TUBE1: variants seen among roughly 807,000 people sequenced by gnomAD.
The protein encoded by TUBE1 is tubulin epsilon 1, also known as tubulin epsilon chain.
Under a neutral mutation model 53.5 loss-of-function variants are expected in TUBE1, and 34 were observed. The ratio of observed to expected loss-of-function variants is 0.64; its 90% CI spans 0.48 to 0.85. The LOEUF is 0.85. Ranked by LOEUF, TUBE1 falls within the 40% of genes least tolerant of loss-of-function variation. The pLI, the probability that TUBE1 is intolerant of heterozygous loss-of-function variation, is 0.00. For synonymous variants in TUBE1, 177 were observed against 198.4 expected (o/e 0.89, Z 0.91); for missense variants, 532 against 570.5 (o/e 0.93, Z 0.69).
At chr6:112,072,129 T>A (rs117382527) in intron 10 of TUBE1, 53 bp from the exon 11 acceptor site, 38,473 of 1,400,256 alleles carry the variant, frequency 0.027, 645 homozygotes, top group Non-Finnish European at 0.031. Context: ...ACTAAAAATG[T>A]CTGCCATATA....
intron 8 of TUBE1, 124 bp downstream of exon 8, chr6:112,075,813 A>G (rs1483605535): frequency 1.1e-6 from 1 of 884,692 alleles, no homozygotes; most frequent in Admixed American, 2.9e-5. Flanking sequence ...AAGAAAAGAT[A>G]GAAGACAAAA....
At chr6:112,079,086 AT>A (rs1777022946) in intron 6 of TUBE1, among the ~76,000 whole-genome samples, 9 of 152,070 alleles carry the variant, frequency 5.9e-5, no homozygotes. Flanking sequence ...CCAATCATTT[AT>A]TTTTACTTCA....
At chr6:112,073,411 C>T (rs147993447) in intron 9 of TUBE1, among the ~76,000 whole-genome samples, 1 of 152,056 alleles carries the variant, frequency 6.6e-6, no homozygotes, top group Non-Finnish European at 1.5e-5. Flanking sequence ...AGTAGTTCTC[C>T]TAAAAGTAGA....
intron 3 of TUBE1, 41 bp downstream of exon 3, chr6:112,086,515 C>T: frequency 6.7e-7 from 1 of 1,502,598 alleles, no homozygotes; most frequent in Non-Finnish European, 9.1e-7. Flanking sequence ...GCTACTGAAA[C>T]TTAAAGTATC....
At chr6:112,080,403 T>G (rs587768408) in intron 5 of TUBE1, among the ~76,000 whole-genome samples, 2 of 152,206 alleles carry the variant, frequency 1.3e-5, no homozygotes, top group South Asian at 4.1e-4. Context: ...CAACAATTAG[T>G]AAAAATGCAG....
rs782739012 is a variant in TUBE1, at chr6:112,076,383, C to A, written c.575G>T (p.Ser192Ile). The A allele has an allele frequency of 1.6e-5, 26 of 1,610,430 alleles. No homozygotes were observed. Among genetic ancestry groups the A allele is most frequent in the South Asian group, 2.2e-5 (2 of 90,294 alleles). ...EDDVITSPYNSILAMKELNEH... is the reference protein window; with the variant it reads ...EDDVITSPYNIILAMKELNEH... ...ATTAAGTTCCTTCATTGCCAAGATG[C>A]TATTATAAGGTGAGGTTATGACATC... Residue 192 changes from serine (S) to isoleucine (I), a missense_variant, in exon 7 of 12, where the codon AGC (serine) becomes ATC (isoleucine). Transcript: ENST00000368662.
Position 112,075,070 on chromosome 6 carries a change from T to C in TUBE1, c.813-220A>G, listed in dbSNP as rs1352665460. On this transcript the variant is annotated intron_variant, in intron 8 of 11. Transcript: ENST00000368662. ...ACATCTACATTTTTTTTTTCTTTCT[T>C]TTTTTTTTTTTTTTGAGACAGGGTC... The C allele has an allele frequency of 2.1e-4, 28 of 133,798 alleles. No individual in the cohort carries two copies. In the East Asian group the frequency reaches 2.7e-3, roughly 13 times the overall value. The allele number at this position is 133,798 out of a possible 1,614,324, so 8.3% of individuals were successfully genotyped here.
At chr6:112,082,407 A>C (rs1298298388) in intron 4 of TUBE1, among the ~76,000 whole-genome samples, 1 of 152,208 alleles carries the variant, frequency 6.6e-6, no homozygotes, top group African/African-American at 2.4e-5. Context: ...TAAAAGAAAA[A>C]GCAAATTGGA....
chr6:112,086,573 A>C lies in TUBE1; in HGVS notation c.135T>G (p.Phe45Leu). 6.2e-7 allele frequency: 1 copy of C among 1,612,932 alleles called. No individual in the cohort carries two copies. The highest frequency in any genetic ancestry group is 2.2e-5 in the East Asian group (1 of 44,804). Residue 45 changes from phenylalanine to leucine, a missense_variant, in exon 3 of 12, where the codon TTT becomes TTG. Coordinates refer to ENST00000368662, the MANE Select transcript of TUBE1 (RefSeq NM_016262.5). ...GIYDEAISSFFRNVDTRVVGD... is the reference protein window; with the variant it reads ...GIYDEAISSFLRNVDTRVVGD... ...CATCTTACCTGGTGTCCACATTTCT[A>C]AAGAAGCTGCTTATTGCCTCATCAT...
At chr6:112,084,296 A>G (rs782542271) in intron 3 of TUBE1, 50 bp from the exon 4 acceptor site, 5 of 1,440,340 alleles carry the variant, frequency 3.5e-6, no homozygotes, top group Non-Finnish European at 4.9e-6. Context: ...CATGGCTAAT[A>G]GCACTATCAG....
Position 112,070,904 on chromosome 6 carries a change from AAAG to A in TUBE1, c.*505_*507del, listed in dbSNP as rs1209978142. The A allele has an allele frequency of 1.3e-5, 2 of 152,306 alleles. No homozygotes were observed. Among genetic ancestry groups the A allele is most frequent in the Non-Finnish European group, 1.5e-5 (1 of 68,010 alleles). The allele number at this position is 152,306 out of a possible 1,614,324, so 9.4% of individuals were successfully genotyped here. A position where few individuals can be genotyped will look rare whatever the true frequency, so the allele number is the denominator to read the frequency against. On this transcript the variant is annotated 3_prime_UTR_variant, in exon 12 of 12. Coordinates refer to ENST00000368662, the MANE Select transcript of TUBE1 (RefSeq NM_016262.5). Reference sequence around the variant, plus strand: ...CTTTTGGGCAAACAAGTTGTTATCTAAAGAAGAAGCAAAACCTCCTTAACAGTT... The same window carrying A: ...CTTTTGGGCAAACAAGTTGTTATCTAAAGAAGCAAAACCTCCTTAACAGTT...
chr6:112,078,908 A>T (rs587608287), intron 6 of TUBE1, among the ~76,000 whole-genome samples: 2 of 152,202 alleles, frequency 1.3e-5, no homozygotes, highest in Non-Finnish European at 2.9e-5. Flanking sequence ...CTGAATATAA[A>T]ATCTTAATCT....
intron 2 of TUBE1, 151 bp downstream of exon 2, chr6:112,087,082 A>T (rs1777173721): frequency 2.9e-6 from 2 of 694,012 alleles, no homozygotes; most frequent in Admixed American, 3.0e-5. Context: ...TGTGTGTCTG[A>T]CGCAACATGT....
intron 4 of TUBE1, among the ~76,000 whole-genome samples, chr6:112,081,615 C>T (rs1315328815): frequency 3.3e-5 from 5 of 152,024 alleles, no homozygotes; most frequent in African/African-American, 1.2e-4. Context: ...AACTGTCCAA[C>T]TCAAATGAGT....
At chr6:112,079,571 T>C in intron 6 of TUBE1, 62 bp downstream of exon 6, 1 of 1,568,258 alleles carries the variant, frequency 6.4e-7, no homozygotes, top group Non-Finnish European at 8.7e-7. Context: ...GACTTACGTT[T>C]GCAAAATGAA....
chr6:112,072,681 G>A (rs781835499), intron 10 of TUBE1, 77 bp downstream of exon 10: 275 of 1,473,574 alleles, frequency 1.9e-4, no homozygotes, highest in Non-Finnish European at 2.4e-4. Context: ...GAATTTGAAG[G>A]GCGGCTGTTA....
intron 9 of TUBE1, among the ~76,000 whole-genome samples, chr6:112,073,672 A>G (rs1375602217): frequency 6.6e-6 from 1 of 152,242 alleles, no homozygotes; most frequent in African/African-American, 2.4e-5. Flanking sequence ...ATGAAAACTT[A>G]CCAATATCAC....
Position 112,081,086 on chromosome 6 carries a change from T to C in TUBE1, c.326+6A>G. ...GATATTCAATTTTTACGCTGTGTAT[T>C]CTCACCAATTATTTCCTGAGCCAGA... On this transcript the variant is annotated splice_donor_region_variant and intron_variant, in intron 5 of 11. Coordinates refer to ENST00000368662, the MANE Select transcript of TUBE1 (RefSeq NM_016262.5). 6.5e-7 allele frequency: 1 copy of C among 1,533,342 alleles called. No homozygotes were observed. 95.0% of individuals were successfully genotyped at this position (1,533,342 alleles called of 1,614,324 possible).
In TUBE1 at chr6:112,071,514, T is replaced by C. The variant is rs1562601302; in HGVS notation, c.1326A>G (p.Glu442=). The C allele has an allele frequency of 6.2e-7, 1 of 1,612,524 alleles. No homozygotes were observed. The highest frequency in any genetic ancestry group is 1.7e-5 in the Admixed American group (1 of 59,994). ...VEGMEESCFT[E]AVSSLSALIQ... ...TGAGTGCTGATAAAGATGACACAGC[T>C]TCTGTGAAACAGCTTTCTTCCATCC... Residue 442 remains glutamate, a synonymous_variant, in exon 12 of 12, where the codon GAA becomes GAG. Transcript: ENST00000368662.
Sources: allele counts gnomAD v4.1 joint callset (sites outside exome capture counted in the v4.1 genomes callset), GRCh38; gene constraint gnomAD v4.1.1; transcripts MANE v1.5; gene names NCBI Gene and HGNC (gene_info 2026-07-23, HGNC 2026-07-21).